The following NXPE2 variants were observed in gnomAD, a reference collection of about 807,000 sequenced individuals.
The protein encoded by NXPE2 is neurexophilin and PC-esterase domain family member 2, also known as NXPE family member 2.
Under a neutral mutation model 34.4 loss-of-function variants are expected in NXPE2, and 34 were observed. That is an observed-to-expected ratio of 0.99 (90% CI 0.75 to 1.31). The LOEUF (loss-of-function observed/expected upper bound fraction) is 1.31, where lower values mean the gene tolerates loss of function less well. Ranked by LOEUF, NXPE2 falls within the 40% of genes most tolerant of loss-of-function variation. NXPE2 has a pLI of 0.00. For synonymous variants in NXPE2, 235 were observed against 231.3 expected (o/e 1.02, Z -0.15); for missense variants, 649 against 672.5 (o/e 0.97, Z 0.39).
the NXPE2 span, among the ~76,000 whole-genome samples, chr11:114,625,430 A>G: frequency 2.0e-5 from 3 of 150,492 alleles, no homozygotes; most frequent in Non-Finnish European, 4.4e-5. Flanking sequence ...CTTCTACCAC[A>G]TGGATAATAA....
the NXPE2 span, among the ~76,000 whole-genome samples, chr11:114,550,640 T>A: frequency 1.3e-5 from 2 of 152,108 alleles, no homozygotes; most frequent in East Asian, 3.9e-4. Flanking sequence ...CATGGATGAA[T>A]ACCTGTATAA....
chr11:114,493,995 T>C, the NXPE2 span, among the ~76,000 whole-genome samples: 2 of 152,174 alleles, frequency 1.3e-5, no homozygotes, highest in African/African-American at 4.8e-5. Context: ...TAAAAGTTTT[T>C]TCCTTCAGCA....
chr11:114,773,995 ATC>A, the NXPE2 span, among the ~76,000 whole-genome samples: 2 of 152,234 alleles, frequency 1.3e-5, no homozygotes, highest in African/African-American at 4.8e-5. Context: ...TTCCTCACCC[ATC>A]TCTCTCTCTA....
the NXPE2 span, among the ~76,000 whole-genome samples, chr11:114,653,925 T>C: frequency 6.6e-6 from 1 of 152,070 alleles, no homozygotes; most frequent in Non-Finnish European, 1.5e-5. Flanking sequence ...GAGAGGAAGT[T>C]CCCATGATGT....
the NXPE2 span, among the ~76,000 whole-genome samples, chr11:114,765,724 G>A: frequency 6.6e-6 from 1 of 152,188 alleles, no homozygotes; most frequent in African/African-American, 2.4e-5. Context: ...GATTTGGGGG[G>A]TTCTCCTCCT....
At chr11:114,484,957 T>G in the NXPE2 span, among the ~76,000 whole-genome samples, 1 of 152,212 alleles carries the variant, frequency 6.6e-6, no homozygotes, top group Non-Finnish European at 1.5e-5. Context: ...ACTTTGATCC[T>G]TAGTGTCCTT....
At chr11:114,590,479 T>A in the NXPE2 span, among the ~76,000 whole-genome samples, 1 of 152,152 alleles carries the variant, frequency 6.6e-6, no homozygotes, top group African/African-American at 2.4e-5. Flanking sequence ...AGATAGATCA[T>A]CCTCTATATC....
the NXPE2 span, among the ~76,000 whole-genome samples, chr11:114,660,078 C>T: frequency 6.6e-6 from 1 of 151,984 alleles, no homozygotes; most frequent in East Asian, 1.9e-4. Context: ...ACACAAACTA[C>T]CAACATTCAC....
chr11:114,585,378 C>A, the NXPE2 span, among the ~76,000 whole-genome samples: 1 of 152,026 alleles, frequency 6.6e-6, no homozygotes, highest in African/African-American at 2.4e-5. Flanking sequence ...TATCCTTCTG[C>A]AAGAGATTCA....
chr11:114,728,661 T>C, the NXPE2 span, among the ~76,000 whole-genome samples: 2 of 152,088 alleles, frequency 1.3e-5, no homozygotes, highest in African/African-American at 4.8e-5. Flanking sequence ...GGACAAGATA[T>C]TACATACTTT....
chr11:114,523,200 A>T, the NXPE2 span: 4 of 746,994 alleles, frequency 5.4e-6, no homozygotes, highest in East Asian at 1.0e-4. Flanking sequence ...TGTAATGCCT[A>T]TTTCCTTTTT....
At chr11:114,699,800 T>G (rs2135563108) in intron 3 of NXPE2, among the ~76,000 whole-genome samples, 1 of 151,918 alleles carries the variant, frequency 6.6e-6, no homozygotes, top group African/African-American at 2.4e-5. Flanking sequence ...TCATTCATTT[T>G]TTTTTTTTTT....
intron 3 of NXPE2, among the ~76,000 whole-genome samples, chr11:114,703,769 T>C (rs1951417322): frequency 6.6e-6 from 1 of 152,136 alleles, no homozygotes; most frequent in Admixed American, 6.6e-5. Context: ...GGATTGCGTA[T>C]GGAGGGTGAA....
At chr11:114,659,496 A>T in the NXPE2 span, among the ~76,000 whole-genome samples, 3 of 151,274 alleles carry the variant, frequency 2.0e-5, no homozygotes, top group African/African-American at 7.3e-5. Flanking sequence ...AGAGATGTGA[A>T]ATAATATCAA....
chr11:114,767,761 A>G, the NXPE2 span, among the ~76,000 whole-genome samples: 42 of 152,240 alleles, frequency 2.8e-4, no homozygotes, highest in African/African-American at 9.4e-4. Flanking sequence ...TGATTGTAAG[A>G]AAATCTAAAA....
At chr11:114,545,240 A>T in the NXPE2 span, among the ~76,000 whole-genome samples, 1 of 152,228 alleles carries the variant, frequency 6.6e-6, no homozygotes, top group Non-Finnish European at 1.5e-5. Flanking sequence ...TTGAATGCTT[A>T]TGTCCACACA....
the NXPE2 span, among the ~76,000 whole-genome samples, chr11:114,731,667 A>G: frequency 5.9e-5 from 9 of 152,228 alleles, no homozygotes; most frequent in Admixed American, 1.3e-4. Context: ...CATTCATGAG[A>G]TGACAAAATT....
chr11:114,739,460 T>C, the NXPE2 span, among the ~76,000 whole-genome samples: 1 of 146,600 alleles, frequency 6.8e-6, no homozygotes, highest in Admixed American at 6.8e-5. Context: ...CCTCCCTCCC[T>C]CCTTCTTCAG....
At chr11:114,470,667 T>A in the NXPE2 span, among the ~76,000 whole-genome samples, 1 of 151,486 alleles carries the variant, frequency 6.6e-6, no homozygotes, top group African/African-American at 2.4e-5. Context: ...CACATTATTG[T>A]GGGGGCTGGC....
Sources: allele counts gnomAD v4.1 joint callset (sites outside exome capture counted in the v4.1 genomes callset), GRCh38; gene constraint gnomAD v4.1.1; transcripts MANE v1.5; gene names NCBI Gene and HGNC (gene_info 2026-07-23, HGNC 2026-07-21).